The following ZNF713 variants were observed in gnomAD, a reference collection of about 807,000 sequenced individuals.
ZNF713 encodes zinc finger protein 713.
ZNF713 carries 21 observed loss-of-function variants against 28.7 expected under a neutral mutation model. The ratio of observed to expected loss-of-function variants is 0.73; its 90% CI spans 0.52 to 1.05. ZNF713 has a LOEUF of 1.05. Among genes scored for constraint, ZNF713 ranks in the 50% least tolerant of loss-of-function variants. The probability of loss-of-function intolerance (pLI) is 0.00; values close to 1 mark genes in which losing one functional copy is unlikely to be tolerated. For synonymous variants in ZNF713, 167 were observed against 178.0 expected (o/e 0.94, Z 0.49); for missense variants, 458 against 532.4 (o/e 0.86, Z 1.37).
intron 5 of ZNF713, 151 bp downstream of exon 5, chr7:55,923,439 C>A: frequency 8.6e-7 from 1 of 1,161,124 alleles, no homozygotes; most frequent in Non-Finnish European, 1.2e-6. Context: ...GTTTTCTGCT[C>A]TTTCTCCTCC....
At chr7:55,930,844 C>T (rs1786196265) in intron 6 of ZNF713, among the ~76,000 whole-genome samples, 1 of 152,092 alleles carries the variant, frequency 6.6e-6, no homozygotes, top group Non-Finnish European at 1.5e-5. Context: ...ACCATATGGC[C>T]CACAAAACTT....
At position 55,940,403 on chromosome 7, in the gene ZNF713, C is replaced by T. The variant is rs776468547; in HGVS notation, c.*397C>T. 1.4e-4 allele frequency: 137 copies of T among 983,142 alleles called. No homozygotes were observed. The highest frequency in any genetic ancestry group is 1.8e-4 in the Admixed American group (3 of 17,004). 60.9% of individuals were successfully genotyped at this position (983,142 alleles called of 1,614,324 possible). On this transcript the variant is annotated 3_prime_UTR_variant, in exon 7 of 7. Coordinates refer to ENST00000429591, the MANE Select transcript of ZNF713 (RefSeq NM_182633.3). Reference sequence around the variant, plus strand: ...CCTCCCAAAGTGCTGGGATTACAGGCGTGGGCCACTGCGCCTGGCCATAAA... The same window carrying T: ...CCTCCCAAAGTGCTGGGATTACAGGTGTGGGCCACTGCGCCTGGCCATAAA...
Position 55,932,890 on chromosome 7 carries a change from CAAAAAAAA to C in ZNF713, c.308-6079_308-6072del, listed in dbSNP as rs61092452. On this transcript the variant is annotated intron_variant, in intron 6 of 6. Transcript: ENST00000429591. ...TGGGCGACAGAGCGAGACTCCGTCTCAAAAAAAAAAAAAAAAAAAAGAAGCTACAACCT... is the reference window on the plus strand; with the variant it reads ...TGGGCGACAGAGCGAGACTCCGTCTCAAAAAAAAAAAAGAAGCTACAACCT... 2.1e-4 allele frequency among the ~76,000 whole-genome samples: 10 copies of C among 47,796 alleles called. 1 individual carries two copies. In the South Asian group the frequency reaches 5.6e-3, roughly 27 times the overall value. 31.4% of individuals were successfully genotyped at this position (47,796 alleles called of 152,430 possible).
chr7:55,935,159 G>C (rs1400960891), intron 6 of ZNF713, among the ~76,000 whole-genome samples: 2 of 152,014 alleles, frequency 1.3e-5, no homozygotes, highest in African/African-American at 4.8e-5. Flanking sequence ...AAAGTGCTGG[G>C]ATTACAGGTG....
intron 2 of ZNF713, among the ~76,000 whole-genome samples, chr7:55,909,196 C>CAAAAAAAAAAAAAAAA (rs71015121): frequency 1.9e-5 from 1 of 53,360 alleles, no homozygotes; most frequent in Non-Finnish European, 3.6e-5. Flanking sequence ...AAGACTCCGT[C>CAAAAAAAAAAAAAAAA]AAAAAAAAAA....
At chr7:55,930,848 A>G (rs1044450967) in intron 6 of ZNF713, among the ~76,000 whole-genome samples, 5 of 152,218 alleles carry the variant, frequency 3.3e-5, no homozygotes, top group Non-Finnish European at 5.9e-5. Context: ...TATGGCCCAC[A>G]AAACTTAAAA....
intron 6 of ZNF713, among the ~76,000 whole-genome samples, chr7:55,936,376 A>G (rs1786346194): frequency 6.6e-6 from 1 of 152,062 alleles, no homozygotes; most frequent in Admixed American, 6.6e-5. Context: ...AGAAGGATGC[A>G]TATTAAGGGT....
intron 5 of ZNF713, 68 bp downstream of exon 5, chr7:55,923,356 C>A: frequency 1.3e-6 from 2 of 1,541,742 alleles, no homozygotes; most frequent in Non-Finnish European, 1.7e-6. Context: ...TAGTAGAAGC[C>A]TGCAAAGTTT....
In ZNF713 at chr7:55,912,602, C is replaced by T. The variant is rs1016914070; in HGVS notation, c.-2-33C>T. The T allele has an allele frequency of 8.8e-6, 13 of 1,480,888 alleles. No homozygotes were observed. The African/African-American group carries it at 1.4e-4, about 16-fold the overall frequency. The allele number at this position is 1,480,888 out of a possible 1,614,324, so 91.7% of individuals were successfully genotyped here. A position where few individuals can be genotyped will look rare whatever the true frequency, so the allele number is the denominator to read the frequency against. On this transcript the variant is annotated intron_variant, in intron 3 of 6. Coordinates refer to ENST00000429591, the MANE Select transcript of ZNF713 (RefSeq NM_182633.3). ...CAGGATTTAAATTTAACCTTCGTGT[C>T]ATATATTAACAAGATGCTTCTCTTT...
chr7:55,900,829 CTCTG>C (rs1354815858), intron 1 of ZNF713, among the ~76,000 whole-genome samples: 1 of 152,116 alleles, frequency 6.6e-6, no homozygotes, highest in Non-Finnish European at 1.5e-5. Flanking sequence ...CTTTCTGTCT[CTCTG>C]TCTCTTTCTT....
chr7:55,898,948 A>C (rs1785521951), intron 1 of ZNF713, among the ~76,000 whole-genome samples: 1 of 152,180 alleles, frequency 6.6e-6, no homozygotes. Context: ...TATCAAAAAG[A>C]CAAAAGATAA....
At chr7:55,895,984 A>G (rs1732437116) in intron 1 of ZNF713, among the ~76,000 whole-genome samples, 1 of 152,064 alleles carries the variant, frequency 6.6e-6, no homozygotes, top group African/African-American at 2.4e-5. Flanking sequence ...ATTCTGACCT[A>G]CCTTACTGTA....
At chr7:55,927,920 A>AAAAAAAAAAC (rs1786133870) in intron 6 of ZNF713, among the ~76,000 whole-genome samples, 2 of 147,012 alleles carry the variant, frequency 1.4e-5, no homozygotes, top group African/African-American at 2.5e-5. Flanking sequence ...AAAAAAAAAA[A>AAAAAAAAAAC]GCCACAAGAG....
chr7:55,925,160 A>G (rs950721811), intron 6 of ZNF713, among the ~76,000 whole-genome samples: 2 of 152,180 alleles, frequency 1.3e-5, no homozygotes, highest in African/African-American at 4.8e-5. Context: ...CCATGACACC[A>G]GGTGAACCTA....
In ZNF713 at chr7:55,939,233, G is replaced by C; in HGVS notation, c.559G>C (p.Glu187Gln). 6.2e-7 allele frequency: 1 copy of C among 1,614,154 alleles called. No homozygotes were observed. Among genetic ancestry groups the C allele is most frequent in the Non-Finnish European group, 8.5e-7 (1 of 1,180,030 alleles). ...ERSLECNKFA[E>Q]NCNLNSNLMQ... The stretch of plus-strand genomic sequence containing the variant: ...AAGCCTTGAGTGTAATAAATTTGCA[G>C]AAAACTGTAATCTGAACTCAAACCT... The change falls in exon 7 of 7, where the codon GAA becomes CAA. Residue 187 changes from glutamate to glutamine, a missense_variant. Glu to Gln is a conservative substitution (Grantham distance 29, BLOSUM62 2). Transcript: ENST00000429591.
chr7:55,915,669 G>A (rs117997897), intron 4 of ZNF713, among the ~76,000 whole-genome samples: 59 of 152,280 alleles, frequency 3.9e-4, no homozygotes, highest in Non-Finnish European at 7.4e-4. Flanking sequence ...CAAAAATCAC[G>A]GGTATATTTG....
chr7:55,918,233 A>C, intron 4 of ZNF713: 5 of 363,928 alleles, frequency 1.4e-5, no homozygotes, highest in South Asian at 1.1e-4. Context: ...CCATATGGAG[A>C]GGAGCCAAGG....
Position 55,898,811 on chromosome 7 carries a change from C to T in ZNF713, c.-582-7442C>T, listed in dbSNP as rs544484263. ...ATTAAATTCAAAATTTCCCATTTAC[C>T]TCTAAAAAAAAAGACAACATACAAA... On this transcript the variant is annotated intron_variant, in intron 1 of 6. Coordinates refer to ENST00000429591, the MANE Select transcript of ZNF713 (RefSeq NM_182633.3). 2.7e-5 allele frequency among the ~76,000 whole-genome samples: 4 copies of T among 150,658 alleles called. No individual in the cohort carries two copies. The South Asian group carries it at 8.3e-4, about 31-fold the overall frequency.
chr7:55,939,512 C>CT lies in ZNF713; in HGVS notation c.840dup (p.Thr281TyrfsTer7). On this transcript the variant is annotated frameshift_variant, in exon 7 of 7. Coordinates refer to ENST00000429591, the MANE Select transcript of ZNF713 (RefSeq NM_182633.3). LOFTEE classifies it high-confidence loss of function. ...ATCTCTTAGCCAGCCTCAGATGTTG[C>CT]TTACAGGAGAGAAGCCCTATAAGTG... 1 of 1,614,028 alleles carries CT rather than the reference C, an allele frequency of 6.2e-7. No homozygotes were observed. Among genetic ancestry groups the CT allele is most frequent in the Non-Finnish European group, 8.5e-7 (1 of 1,179,978 alleles).
Sources: gnomAD v4.1 joint callset for allele counts (sites outside exome capture counted in the v4.1 genomes callset) on GRCh38, gnomAD v4.1.1 for gene constraint, MANE v1.5 for transcripts, NCBI Gene and HGNC (gene_info 2026-07-23, HGNC 2026-07-21) for gene names.